DNM3: variants seen among roughly 807,000 people sequenced by gnomAD.
The protein encoded by DNM3 is dynamin 3.
A neutral mutation model predicts 101.6 loss-of-function variants in DNM3; 47 were observed. The ratio of observed to expected loss-of-function variants is 0.46; its 90% CI spans 0.37 to 0.59. The LOEUF (loss-of-function observed/expected upper bound fraction) is 0.59. Among genes scored for constraint, DNM3 ranks in the 20% least tolerant of loss-of-function variants. The pLI, the probability that DNM3 is intolerant of heterozygous loss-of-function variation, is 0.00. For missense variants in DNM3, 849 were observed against 1,085.7 expected, an observed-to-expected ratio of 0.78 and a Z score of 3.06; for synonymous variants, 385 against 387.9, an observed-to-expected ratio of 0.99 and a Z score of 0.09.
intron 1 of DNM3, among the ~76,000 whole-genome samples, chr1:171,881,627 G>A (rs750559467): frequency 6.6e-6 from 1 of 152,148 alleles, no homozygotes; most frequent in Non-Finnish European, 1.5e-5. Context: ...GAAGGTCATG[G>A]GTAAAATATA....
intron 1 of DNM3, among the ~76,000 whole-genome samples, chr1:171,891,228 A>G (rs1329620759): frequency 2.0e-5 from 3 of 152,194 alleles, no homozygotes; most frequent in Admixed American, 6.5e-5. Context: ...CTGCAGGTAT[A>G]GATTTGGCAG....
At chr1:172,252,828 C>A (rs4382763) in intron 14 of DNM3, among the ~76,000 whole-genome samples, 25,861 of 152,072 alleles carry the variant, frequency 0.17, 2,466 homozygotes, top group East Asian at 0.25. Context: ...ATTTGCAGAC[C>A]TTACCTCTTC....
intron 1 of DNM3, among the ~76,000 whole-genome samples, chr1:171,874,046 G>A (rs1346510705): frequency 1.3e-5 from 2 of 152,200 alleles, no homozygotes; most frequent in Non-Finnish European, 2.9e-5. Flanking sequence ...TTTAGTAAAC[G>A]GTAGACAGTT....
intron 4 of DNM3, among the ~76,000 whole-genome samples, chr1:172,006,591 A>T (rs2046705832): frequency 1.3e-5 from 2 of 151,962 alleles, no homozygotes; most frequent in Admixed American, 1.3e-4. Flanking sequence ...AATCTATTTT[A>T]TTTATTTATT....
chr1:171,905,459 C>G (rs375794144), intron 1 of DNM3, among the ~76,000 whole-genome samples: 1 of 152,228 alleles, frequency 6.6e-6, no homozygotes, highest in African/African-American at 2.4e-5. Context: ...CTTAAAGAGA[C>G]AGAAAGTAGC....
At chr1:172,293,467 A>G (rs1286940780) in intron 15 of DNM3, among the ~76,000 whole-genome samples, 1 of 152,232 alleles carries the variant, frequency 6.6e-6, no homozygotes, top group Non-Finnish European at 1.5e-5. Flanking sequence ...CTTGGTTGTA[A>G]TAGTGGAATT....
chr1:172,188,964 G>C (rs531725267), intron 14 of DNM3, among the ~76,000 whole-genome samples: 40 of 111,132 alleles, frequency 3.6e-4, no homozygotes, highest in Middle Eastern at 5.1e-3. Context: ...TTTCTCCTAT[G>C]TTATTTTGTA....
intron 2 of DNM3, among the ~76,000 whole-genome samples, chr1:171,962,509 CA>C (rs1357790652): frequency 6.6e-6 from 1 of 152,100 alleles, no homozygotes; most frequent in Non-Finnish European, 1.5e-5. Context: ...GTAGCTTAAA[CA>C]ACAGACATTT....
At chr1:172,138,706 C>T (rs2057395156) in intron 14 of DNM3, 4 of 282,764 alleles carry the variant, frequency 1.4e-5, no homozygotes, top group South Asian at 1.3e-4. Context: ...AGATTAAAAC[C>T]CCAGGCCCCC....
intron 13 of DNM3, among the ~76,000 whole-genome samples, chr1:172,101,722 C>G (rs1036392480): frequency 3.9e-5 from 6 of 152,036 alleles, no homozygotes. Flanking sequence ...GGATTCAAAT[C>G]TTAATCACCA....
At chr1:172,181,803 G>GT (rs71688883) in intron 14 of DNM3, among the ~76,000 whole-genome samples, 335 of 138,076 alleles carry the variant, frequency 2.4e-3, no homozygotes, top group East Asian at 8.6e-3. Context: ...TGAAGACAGG[G>GT]TTTTTTTTTT....
chr1:172,200,330 C>T (rs897947003), intron 14 of DNM3, among the ~76,000 whole-genome samples: 1 of 152,020 alleles, frequency 6.6e-6, no homozygotes, highest in Non-Finnish European at 1.5e-5. Context: ...CTCTAGTTGC[C>T]TTTGAAGTTC....
At chr1:171,892,051 GTTTATAC>G (rs1396854993) in intron 1 of DNM3, among the ~76,000 whole-genome samples, 6 of 152,132 alleles carry the variant, frequency 3.9e-5, no homozygotes, top group African/African-American at 1.4e-4. Context: ...CTCATGAATA[GTTTATAC>G]TTTAGGTTAT....
At chr1:172,087,453 G>A (rs543704953) in intron 12 of DNM3, among the ~76,000 whole-genome samples, 1 of 152,252 alleles carries the variant, frequency 6.6e-6, no homozygotes, top group African/African-American at 2.4e-5. Context: ...ATATTCAGAT[G>A]TCTATTGGAC....
intron 15 of DNM3, among the ~76,000 whole-genome samples, chr1:172,282,287 T>C (rs1387287436): frequency 1.3e-5 from 2 of 152,332 alleles, no homozygotes; most frequent in African/African-American, 2.4e-5. Flanking sequence ...AATCACTTTC[T>C]CCAGGAACAT....
chr1:172,189,086 T>C (rs1211120392), intron 14 of DNM3, among the ~76,000 whole-genome samples: 1 of 152,066 alleles, frequency 6.6e-6, no homozygotes, highest in African/African-American at 2.4e-5. Flanking sequence ...AGTAGACTTA[T>C]AGTTCTTTCA....
chr1:172,222,038 ATAGATAAGGAGACTAGGAAAGT>A (rs2060925716), intron 14 of DNM3, among the ~76,000 whole-genome samples: 1 of 152,136 alleles, frequency 6.6e-6, no homozygotes, highest in African/African-American at 2.4e-5. Flanking sequence ...TTCAATGGGA[ATAGATAAGGAGACTAGGAAAGT>A]CAGAGATAGT....
intron 2 of DNM3, among the ~76,000 whole-genome samples, chr1:171,935,769 CTTTTTTTTTTTTTTT>C (rs551030808): frequency 6.3e-5 from 3 of 47,990 alleles, no homozygotes; most frequent in Admixed American, 3.4e-4. Flanking sequence ...CAAATCAAAA[CTTTTTTTTTTTTTTT>C]TTTTTTTTTT....
intron 14 of DNM3, among the ~76,000 whole-genome samples, chr1:172,190,192 G>A (rs1411302015): frequency 6.6e-6 from 1 of 152,016 alleles, no homozygotes; most frequent in Non-Finnish European, 1.5e-5. Flanking sequence ...GCCCCAGTGT[G>A]TGATGTTCCC....
Sources: allele counts gnomAD v4.1 joint callset (sites outside exome capture counted in the v4.1 genomes callset), GRCh38; gene constraint gnomAD v4.1.1; transcripts MANE v1.5; gene names NCBI Gene and HGNC (gene_info 2026-07-23, HGNC 2026-07-21).